The following MXI1 variants were observed in gnomAD, a reference collection of about 807,000 sequenced individuals.
MXI1 encodes MAX interactor 1, dimerization protein, also known as max-interacting protein 1.
MXI1 carries 18 observed loss-of-function variants against 36.9 expected under a neutral mutation model. That is an observed-to-expected ratio of 0.49 (90% CI 0.34 to 0.72). The LOEUF is 0.72. MXI1 is among the 30% of genes least tolerant of loss of function. The pLI, the probability that MXI1 is intolerant of heterozygous loss-of-function variation, is 0.01. For synonymous variants in MXI1, 160 were observed against 146.7 expected (o/e 1.09, Z -0.65); for missense variants, 304 against 379.1 (o/e 0.80, Z 1.64).
intron 3 of MXI1, among the ~76,000 whole-genome samples, chr10:110,262,539 T>C (rs1299955530): frequency 1.3e-5 from 2 of 152,172 alleles, no homozygotes; most frequent in African/African-American, 4.8e-5. Flanking sequence ...ACGATCATGT[T>C]GATTTTATTG....
intron 1 of MXI1, 83 bp from the exon 2 acceptor site, chr10:110,228,106 A>T: frequency 6.7e-7 from 1 of 1,492,836 alleles, no homozygotes; most frequent in Non-Finnish European, 9.2e-7. Context: ...AAAACCTGTT[A>T]CTGCAAAGAC....
chr10:110,266,449 A>G (rs1856680876), intron 3 of MXI1, among the ~76,000 whole-genome samples: 1 of 152,048 alleles, frequency 6.6e-6, no homozygotes, highest in South Asian at 2.1e-4. Flanking sequence ...TCTATGAAGG[A>G]GTGTCTACAA....
chr10:110,255,570 C>G (rs1856258297), intron 3 of MXI1, among the ~76,000 whole-genome samples: 2 of 152,206 alleles, frequency 1.3e-5, no homozygotes, highest in South Asian at 2.1e-4. Context: ...ACAATAGCAT[C>G]TAAAAGAATA....
At chr10:110,274,322 T>A (rs1404777613) in intron 3 of MXI1, among the ~76,000 whole-genome samples, 1 of 152,014 alleles carries the variant, frequency 6.6e-6, no homozygotes, top group Non-Finnish European at 1.5e-5. Context: ...CCTTTTCCCC[T>A]GGGCAAAACC....
chr10:110,258,526 A>G (rs185993170), intron 3 of MXI1, among the ~76,000 whole-genome samples: 36 of 152,326 alleles, frequency 2.4e-4, no homozygotes, highest in African/African-American at 7.9e-4. Flanking sequence ...AGTATCATTT[A>G]TCAGAGAGCT....
At chr10:110,267,183 CAAATT>C (rs1053518695) in intron 3 of MXI1, among the ~76,000 whole-genome samples, 1 of 152,030 alleles carries the variant, frequency 6.6e-6, no homozygotes, top group Non-Finnish European at 1.5e-5. Context: ...GAGGAATTCT[CAAATT>C]AAAAAAGGCA....
chr10:110,255,120 A>G (rs556314799), intron 3 of MXI1, among the ~76,000 whole-genome samples: 1 of 152,292 alleles, frequency 6.6e-6, no homozygotes, highest in Non-Finnish European at 1.5e-5. Context: ...TGATGGGCTG[A>G]TGTAGCTGGT....
At chr10:110,256,327 G>A (rs963293013) in intron 3 of MXI1, among the ~76,000 whole-genome samples, 8 of 151,988 alleles carry the variant, frequency 5.3e-5, no homozygotes, top group Non-Finnish European at 1.0e-4. Context: ...AAGTGAGCTG[G>A]GCATGGTGGC....
intron 1 of MXI1, among the ~76,000 whole-genome samples, chr10:110,214,873 G>T (rs116586315): frequency 0.012 from 1,764 of 146,604 alleles, 36 homozygotes; most frequent in African/African-American, 0.041. Flanking sequence ...AGGAGAGAAA[G>T]AAAAAGAAAT....
chr10:110,269,326 T>C (rs1856783908), intron 3 of MXI1, among the ~76,000 whole-genome samples: 1 of 152,236 alleles, frequency 6.6e-6, no homozygotes, highest in Non-Finnish European at 1.5e-5. Context: ...CCCCTTAAAA[T>C]GAGCTATTAT....
At chr10:110,244,110 T>G (rs1855770671) in intron 2 of MXI1, among the ~76,000 whole-genome samples, 1 of 152,128 alleles carries the variant, frequency 6.6e-6, no homozygotes, top group South Asian at 2.1e-4. Context: ...TATCCCACTG[T>G]TCCCCAGATG....
chr10:110,262,327 T>G (rs1856545704), intron 3 of MXI1, among the ~76,000 whole-genome samples: 1 of 152,180 alleles, frequency 6.6e-6, no homozygotes, highest in Non-Finnish European at 1.5e-5. Context: ...GTACATAGGT[T>G]ATATGCAAAT....
intron 1 of MXI1, among the ~76,000 whole-genome samples, chr10:110,220,174 G>A (rs1377500920): frequency 1.3e-5 from 2 of 152,198 alleles, no homozygotes; most frequent in Admixed American, 1.3e-4. Context: ...TAGCCTGTGT[G>A]ACCTTGGGCA....
intron 2 of MXI1, among the ~76,000 whole-genome samples, chr10:110,244,621 G>A (rs1786429784): frequency 6.6e-6 from 1 of 152,000 alleles, no homozygotes; most frequent in South Asian, 2.1e-4. Flanking sequence ...AGACTGTTAA[G>A]AGTTGTTAAC....
chr10:110,258,730 A>G (rs1329264003), intron 3 of MXI1, among the ~76,000 whole-genome samples: 1 of 152,192 alleles, frequency 6.6e-6, no homozygotes, highest in Admixed American at 6.5e-5. Flanking sequence ...TAGAGATAAA[A>G]TAGAGGAAAT....
At chr10:110,276,173 T>C (rs1173043384) in intron 3 of MXI1, among the ~76,000 whole-genome samples, 3 of 152,338 alleles carry the variant, frequency 2.0e-5, no homozygotes, top group East Asian at 3.9e-4. Flanking sequence ...TTAAACTTGG[T>C]CCCAGTCTAT....
At chr10:110,259,413 T>C (rs576094568) in intron 3 of MXI1, among the ~76,000 whole-genome samples, 3 of 152,090 alleles carry the variant, frequency 2.0e-5, no homozygotes, top group Non-Finnish European at 2.9e-5. Context: ...TACTAGACTT[T>C]AAGGCAATAT....
Position 110,284,929 on chromosome 10 carries a change from G to A in MXI1, c.830G>A (p.Ser277Asn). 6 of 1,613,930 alleles carry A rather than the reference G, an allele frequency of 3.7e-6. No individual in the cohort carries two copies. Among genetic ancestry groups the A allele is most frequent in the Non-Finnish European group, 5.1e-6 (6 of 1,179,978 alleles). ...ATTGATGACCACAGCAGCCTGCCGA[G>A]TATTGGGAGTGACGAGGGTTACTCC... The part of the protein sequence containing the change: ...SDIDDHSSLP[S>N]IGSDEGYSSA... The change falls in exon 6 of 6, where the codon AGT (serine) becomes AAT (asparagine). Residue 277 changes from serine (S) to asparagine (N), a missense_variant. Around this residue, in one of 2 missense-constraint regions of MXI1, gnomAD observed 125 missense variants for 194.3 expected, o/e 0.64. Transcript: ENST00000332674.
intron 3 of MXI1, among the ~76,000 whole-genome samples, chr10:110,259,514 C>T (rs1564720052): frequency 6.6e-6 from 1 of 152,006 alleles, no homozygotes; most frequent in Non-Finnish European, 1.5e-5. Context: ...ATAGTAAGCA[C>T]AATTCAAATA....
Sources: gnomAD v4.1 joint callset for allele counts (sites outside exome capture counted in the v4.1 genomes callset) on GRCh38, gnomAD v4.1.1 for gene constraint, gnomAD v4.1.1 regional missense constraint, MANE v1.5 for transcripts, NCBI Gene and HGNC (gene_info 2026-07-23, HGNC 2026-07-21) for gene names.